ASPG: variants seen among roughly 807,000 people sequenced by gnomAD.
ASPG encodes the protein asparaginase.
Under a neutral mutation model 63.2 loss-of-function variants are expected in ASPG, and 53 were observed. The ratio of observed to expected loss-of-function variants is 0.84; its 90% CI spans 0.67 to 1.05. The LOEUF (loss-of-function observed/expected upper bound fraction) is 1.05. Ranked by LOEUF, ASPG falls within the 50% of genes least tolerant of loss-of-function variation. The probability of loss-of-function intolerance (pLI) is 0.00; values close to 1 mark genes in which losing one functional copy is unlikely to be tolerated. For missense variants in ASPG, 741 were observed against 794.4 expected, an observed-to-expected ratio of 0.93 and a Z score of 0.81; for synonymous variants, 370 against 355.0, an observed-to-expected ratio of 1.04 and a Z score of -0.48.
intron 6 of ASPG, among the ~76,000 whole-genome samples, 176 bp downstream of exon 6, chr14:104,099,155 G>T (rs1666138536): frequency 6.6e-6 from 1 of 152,192 alleles, no homozygotes; most frequent in African/African-American, 2.4e-5. Context: ...GCGTGGACAG[G>T]GCTGCTGCGT....
At chr14:104,097,500 A>G (rs773247449) in intron 4 of ASPG, 54 bp from the exon 5 acceptor site, 53 of 1,507,890 alleles carry the variant, frequency 3.5e-5, no homozygotes, top group Admixed American at 6.1e-5. Context: ...TGAGCCAGAC[A>G]TCCCAGGCTT....
chr14:104,096,940 C>T (rs999487749), intron 4 of ASPG, among the ~76,000 whole-genome samples: 7 of 152,354 alleles, frequency 4.6e-5, no homozygotes, highest in South Asian at 2.1e-4. Flanking sequence ...TCCTGGGACG[C>T]GCTGTTCAGT....
chr14:104,108,662 T>C, intron 12 of ASPG: 1 of 985,444 alleles, frequency 1.0e-6, no homozygotes, highest in Non-Finnish European at 1.2e-6. Context: ...CCTTTGTGCC[T>C]CTGCTCCTCC....
intron 15 of ASPG, 124 bp downstream of exon 15, chr14:104,112,124 C>A: frequency 2.2e-6 from 2 of 894,802 alleles, no homozygotes; most frequent in African/African-American, 1.7e-5. Context: ...GGGTCCCAGC[C>A]AGTTTAGGGT....
In ASPG at chr14:104,103,845, G is replaced by A. The variant is rs775810440; in HGVS notation, c.753+170G>A. Among the ~76,000 whole-genome samples, 45 of 152,238 alleles carry A rather than the reference G, an allele frequency of 3.0e-4. 1 individual carries two copies. Among genetic ancestry groups the A allele is most frequent in the Admixed American group, 8.5e-4 (13 of 15,294 alleles). ...CCCCAGGCCCTGTCCCCTGTCCTCC[G>A]TCGTGGTGCTTTCCAGCCTCTCGGG... On this transcript the variant is annotated intron_variant, in intron 7 of 15. Transcript: ENST00000551177.
At chr14:104,107,486 C>T (rs548090904) in intron 12 of ASPG, 141 bp downstream of exon 12, 37 of 847,440 alleles carry the variant, frequency 4.4e-5, no homozygotes, top group East Asian at 4.2e-4. Context: ...CCCCGCAGCC[C>T]GGGGCCCAGT....
At chr14:104,098,544 G>T (rs1025129288) in intron 5 of ASPG, among the ~76,000 whole-genome samples, 19 of 152,164 alleles carry the variant, frequency 1.2e-4, no homozygotes, top group African/African-American at 4.6e-4. Flanking sequence ...AGGGTTGGGG[G>T]CAGTGGGCAG....
chr14:104,108,023 G>T lies in ASPG; in HGVS notation c.1433+678G>T, dbSNP rs565053896. On this transcript the variant is annotated intron_variant, in intron 12 of 15. Transcript: ENST00000551177. The stretch of plus-strand genomic sequence containing the variant: ...AGGACCCTGGGTTCTTTTCGGGGAG[G>T]GAGTGCTCAGGAGTCCCATGGAGAG... Among the ~76,000 whole-genome samples, 197 of 152,268 alleles carry T rather than the reference G, an allele frequency of 1.3e-3. 1 individual carries two copies. Among genetic ancestry groups the T allele is most frequent in the Non-Finnish European group, 2.1e-3 (145 of 68,012 alleles).
chr14:104,112,703 C>T lies in ASPG; in HGVS notation c.*159C>T. Reference sequence around the variant, plus strand: ...AGGACGGCAATAAAGTCTCTGACATCCCCTCACCAGGTCTGTACAGCCTGG... The same window carrying T: ...AGGACGGCAATAAAGTCTCTGACATTCCCTCACCAGGTCTGTACAGCCTGG... On this transcript the variant is annotated 3_prime_UTR_variant, in exon 16 of 16. Coordinates refer to ENST00000551177, the MANE Select transcript of ASPG (RefSeq NM_001080464.3). The T allele has an allele frequency of 6.7e-7, 1 of 1,490,766 alleles. No homozygotes were observed. The highest frequency in any genetic ancestry group is 9.0e-7 in the Non-Finnish European group (1 of 1,110,018). 92.3% of individuals were successfully genotyped at this position (1,490,766 alleles called of 1,614,324 possible).
At chr14:104,090,181 C>T (rs2036327268) in intron 1 of ASPG, among the ~76,000 whole-genome samples, 1 of 152,174 alleles carries the variant, frequency 6.6e-6, no homozygotes, top group Non-Finnish European at 1.5e-5. Context: ...TGGCTGATTT[C>T]GCCTGTGGTG....
chr14:104,101,043 C>T (rs1430317120), intron 6 of ASPG, among the ~76,000 whole-genome samples: 1 of 152,238 alleles, frequency 6.6e-6, no homozygotes, highest in Non-Finnish European at 1.5e-5. Context: ...AGGCTCAAGA[C>T]ACACCGGCCT....
intron 1 of ASPG, among the ~76,000 whole-genome samples, chr14:104,089,242 G>A (rs561233658): frequency 6.6e-6 from 1 of 152,314 alleles, no homozygotes; most frequent in South Asian, 2.1e-4. Flanking sequence ...ACTGGGCGCG[G>A]TGGCTCACAC....
At chr14:104,101,659 G>T (rs1482576073) in intron 6 of ASPG, among the ~76,000 whole-genome samples, 1 of 152,158 alleles carries the variant, frequency 6.6e-6, no homozygotes, top group Admixed American at 6.5e-5. Flanking sequence ...ATGGCTGTGG[G>T]GTCAGGCCAG....
chr14:104,097,878 A>G (rs4018036), intron 5 of ASPG, among the ~76,000 whole-genome samples: 1,214 of 78,862 alleles, frequency 0.015, 106 homozygotes, highest in East Asian at 0.043. Context: ...CGTTAGAGAT[A>G]CGTATGGAGG....
At chr14:104,092,874 A>G in intron 2 of ASPG, 133 bp downstream of exon 2, 1 of 755,014 alleles carries the variant, frequency 1.3e-6, no homozygotes, top group Non-Finnish European at 2.2e-6. Context: ...CTCAGCTTAC[A>G]GGGCTTTAGG....
At chr14:104,111,269 ATGTT>A in intron 13 of ASPG, 1 of 868,330 alleles carries the variant, frequency 1.2e-6, no homozygotes, top group South Asian at 5.3e-5. Flanking sequence ...GTGTTCATGT[ATGTT>A]TGCGCATGTG....
At position 104,112,816 on chromosome 14, in the gene ASPG, G is replaced by A; in HGVS notation, c.*272G>A. On this transcript the variant is annotated 3_prime_UTR_variant, in exon 16 of 16. Transcript: ENST00000551177. ...TGTGGGGTCTCTGCGGGGGTCACTT[G>A]GCCCATCCTTCCGGGGGCAGCTGTG... 1.6e-6 allele frequency: 1 copy of A among 614,466 alleles called. No individual in the cohort carries two copies. The highest frequency in any genetic ancestry group is 3.3e-5 in the East Asian group (1 of 30,502). 38.1% of individuals were successfully genotyped at this position (614,466 alleles called of 1,614,324 possible). A position where few individuals can be genotyped will look rare whatever the true frequency, so the allele number is the denominator to read the frequency against.
Position 104,105,396 on chromosome 14 carries a change from G to T in ASPG, c.1119G>T (p.Gln373His). 1 of 1,612,364 alleles carries T rather than the reference G, an allele frequency of 6.2e-7. No homozygotes were observed. ...TGGAAGAGCGCCGGCCCTCACTGCA[G>T]GGCAACACGCTGGGCGGTGGGGTCT... Reference protein sequence around the residue: ...PSVEERRPSLQGNTLGGGVSW... With the variant: ...PSVEERRPSLHGNTLGGGVSW... Residue 373 changes from glutamine to histidine, a missense_variant, in exon 10 of 16, where the codon CAG becomes CAT. Coordinates refer to ENST00000551177, the MANE Select transcript of ASPG (RefSeq NM_001080464.3).
chr14:104,092,788 G>A, intron 2 of ASPG, 47 bp downstream of exon 2: 1 of 1,482,102 alleles, frequency 6.7e-7, no homozygotes, highest in Non-Finnish European at 9.1e-7. Flanking sequence ...GGCTGCTGAG[G>A]GGCACCGATC....
Sources: gnomAD v4.1 joint callset for allele counts (sites outside exome capture counted in the v4.1 genomes callset) on GRCh38, gnomAD v4.1.1 for gene constraint, MANE v1.5 for transcripts, NCBI Gene and HGNC (gene_info 2026-07-23, HGNC 2026-07-21) for gene names.